Variants in RALGPS2 observed in about 807,000 individuals in gnomAD.
RALGPS2 encodes Ral GEF with PH domain and SH3 binding motif 2, also known as ras-specific guanine nucleotide-releasing factor RalGPS2.
RALGPS2 carries 43 observed loss-of-function variants against 86.8 expected under a neutral mutation model. The observed-to-expected ratio is 0.50, with a 90% CI of 0.39 to 0.64. The LOEUF (loss-of-function observed/expected upper bound fraction) is 0.64, where lower values mean the gene tolerates loss of function less well. Among genes scored for constraint, RALGPS2 ranks in the 30% least tolerant of loss-of-function variants. RALGPS2 has a pLI of 0.00. For missense variants in RALGPS2, 536 were observed against 694.6 expected (o/e 0.77, Z 2.57); for synonymous variants, 243 against 231.3 (o/e 1.05, Z -0.46).
At chr1:178,796,210 A>G (rs1197288153) in intron 4 of RALGPS2, among the ~76,000 whole-genome samples, 1 of 152,192 alleles carries the variant, frequency 6.6e-6, no homozygotes, top group African/African-American at 2.4e-5. Context: ...ATCTCATTAT[A>G]CGGACAGCTT....
intron 6 of RALGPS2, among the ~76,000 whole-genome samples, chr1:178,820,180 T>TA (rs1482221284): frequency 6.6e-6 from 1 of 152,204 alleles, no homozygotes; most frequent in African/African-American, 2.4e-5. Context: ...TTTTCCCACC[T>TA]AGTGAACCTG....
intron 8 of RALGPS2, among the ~76,000 whole-genome samples, chr1:178,834,463 GC>G (rs372910050): frequency 1.2e-3 from 180 of 152,298 alleles, no homozygotes; most frequent in African/African-American, 3.9e-3. Context: ...GTTGATACAT[GC>G]CCATTTAGCT....
intron 8 of RALGPS2, chr1:178,853,631 C>A: frequency 6.2e-7 from 1 of 1,603,696 alleles, no homozygotes; most frequent in Non-Finnish European, 8.5e-7. Context: ...GTTGACAGAG[C>A]CGTCTGTTCT....
At chr1:178,802,094 A>G (rs918112973) in intron 4 of RALGPS2, among the ~76,000 whole-genome samples, 1 of 152,032 alleles carries the variant, frequency 6.6e-6, no homozygotes, top group South Asian at 2.1e-4. Context: ...GAAGTCGAAA[A>G]TTTGCAGGTA....
chr1:178,826,530 G>A (rs529613786), intron 7 of RALGPS2, among the ~76,000 whole-genome samples: 1 of 152,230 alleles, frequency 6.6e-6, no homozygotes, highest in Non-Finnish European at 1.5e-5. Flanking sequence ...ACAGAATCTA[G>A]ATTGATGGTT....
chr1:178,885,837 A>G, intron 12 of RALGPS2, 132 bp from the exon 13 acceptor site: 1 of 773,426 alleles, frequency 1.3e-6, no homozygotes, highest in South Asian at 2.3e-5. Flanking sequence ...TAAACTGTTC[A>G]TTTGAGGCTT....
At chr1:178,779,873 A>G (rs1051552732) in intron 2 of RALGPS2, among the ~76,000 whole-genome samples, 1 of 152,168 alleles carries the variant, frequency 6.6e-6, no homozygotes, top group Non-Finnish European at 1.5e-5. Context: ...AGCTGGGATT[A>G]CAGGTGCTTG....
chr1:178,801,557 A>G (rs1181147218), intron 4 of RALGPS2, among the ~76,000 whole-genome samples: 2 of 151,972 alleles, frequency 1.3e-5, no homozygotes, highest in Non-Finnish European at 2.9e-5. Context: ...TACTTTTCTG[A>G]CTCCTCAAAT....
At chr1:178,865,398 T>C in intron 8 of RALGPS2, 1 of 1,614,092 alleles carries the variant, frequency 6.2e-7, no homozygotes. Context: ...ACACGAGAGT[T>C]CATGTTACGG....
intron 2 of RALGPS2, among the ~76,000 whole-genome samples, chr1:178,777,852 G>GAAACTGGA (rs1263947308): frequency 4.7e-5 from 7 of 147,794 alleles, no homozygotes; most frequent in African/African-American, 1.8e-4. Context: ...GTAGAAAGCT[G>GAAACTGGA]AAACTGGATC....
chr1:178,885,419 G>A (rs1005236701), intron 12 of RALGPS2: 7 of 521,402 alleles, frequency 1.3e-5, no homozygotes, highest in Non-Finnish European at 2.3e-5. Flanking sequence ...TGTCAACAAT[G>A]CATTTATATT....
At chr1:178,762,007 T>G (rs933016238) in intron 1 of RALGPS2, among the ~76,000 whole-genome samples, 1 of 152,170 alleles carries the variant, frequency 6.6e-6, no homozygotes, top group Non-Finnish European at 1.5e-5. Context: ...CTCACTCTTC[T>G]TCCACCCTCC....
intron 7 of RALGPS2, among the ~76,000 whole-genome samples, chr1:178,825,818 C>T (rs1452492806): frequency 6.6e-6 from 1 of 152,190 alleles, no homozygotes; most frequent in Non-Finnish European, 1.5e-5. Context: ...TTGGACAGCA[C>T]AGGCATAGAT....
At chr1:178,829,639 C>A (rs991309834) in intron 7 of RALGPS2, among the ~76,000 whole-genome samples, 4 of 152,090 alleles carry the variant, frequency 2.6e-5, no homozygotes, top group African/African-American at 4.8e-5. Context: ...TTCTGGAGAT[C>A]TAATGTACAG....
intron 1 of RALGPS2, among the ~76,000 whole-genome samples, chr1:178,748,725 C>T (rs192116732): frequency 0.017 from 2,526 of 151,888 alleles, 21 homozygotes; most frequent in Non-Finnish European, 0.026. Context: ...TGGTGGCGGG[C>T]ACCTGTAATC....
At chr1:178,777,727 G>A (rs1484495381) in intron 2 of RALGPS2, among the ~76,000 whole-genome samples, 1 of 152,140 alleles carries the variant, frequency 6.6e-6, no homozygotes, top group East Asian at 1.9e-4. Flanking sequence ...AGAGCCCTCG[G>A]AAATAACACC....
intron 8 of RALGPS2, among the ~76,000 whole-genome samples, chr1:178,862,160 A>G (rs959524508): frequency 1.3e-5 from 2 of 152,146 alleles, no homozygotes; most frequent in Admixed American, 6.5e-5. Flanking sequence ...GGCATGAGCC[A>G]CCATGCCCGG....
chr1:178,772,992 G>C (rs11811840), intron 1 of RALGPS2, among the ~76,000 whole-genome samples: 1 of 152,016 alleles, frequency 6.6e-6, no homozygotes, highest in South Asian at 2.1e-4. Context: ...TAATGGAGAC[G>C]GGGTTTCACC....
At chr1:178,780,598 A>G (rs974519994) in intron 2 of RALGPS2, among the ~76,000 whole-genome samples, 1 of 152,156 alleles carries the variant, frequency 6.6e-6, no homozygotes, top group Non-Finnish European at 1.5e-5. Context: ...AACCCCTACT[A>G]ATCCTCTACT....
Sources: gnomAD v4.1 joint callset for allele counts (sites outside exome capture counted in the v4.1 genomes callset) on GRCh38, gnomAD v4.1.1 for gene constraint, MANE v1.5 for transcripts, NCBI Gene and HGNC (gene_info 2026-07-23, HGNC 2026-07-21) for gene names.